RYR2: variants seen among roughly 807,000 people sequenced by gnomAD.
The protein encoded by RYR2 is cardiac muscle ryanodine receptor-calcium release channel.
RYR2 carries 227 observed loss-of-function variants against 601.1 expected under a neutral mutation model. The ratio of observed to expected loss-of-function variants is 0.38; its 90% CI spans 0.34 to 0.42. RYR2 has a LOEUF of 0.42. Among genes scored for constraint, RYR2 ranks in the 10% least tolerant of loss-of-function variants. RYR2 has a pLI of 1.00. For synonymous variants in RYR2, 2,223 were observed against 2,175.1 expected, an observed-to-expected ratio of 1.02 and a Z score of -0.61; for missense variants, 4,646 against 6,156.5, an observed-to-expected ratio of 0.75 and a Z score of 8.21.
chr1:237,459,682 T>A (rs2150245360), intron 16 of RYR2, among the ~76,000 whole-genome samples: 1 of 152,342 alleles, frequency 6.6e-6, no homozygotes, highest in Non-Finnish European at 1.5e-5. Flanking sequence ...GAGCTACTTA[T>A]TTCTCAAGCC....
intron 1 of RYR2, among the ~76,000 whole-genome samples, chr1:237,267,233 A>G (rs775380180): frequency 4.6e-5 from 7 of 152,184 alleles, no homozygotes; most frequent in Non-Finnish European, 1.0e-4. Context: ...AGATACTCAT[A>G]TCTGGCTGGG....
chr1:237,187,388 G>T (rs1030208742), intron 1 of RYR2, among the ~76,000 whole-genome samples: 7 of 148,778 alleles, frequency 4.7e-5, no homozygotes, highest in African/African-American at 1.7e-4. Flanking sequence ...TGATCTGCCT[G>T]CCTCGGCCTC....
chr1:237,195,477 T>C (rs1680455379), intron 1 of RYR2, among the ~76,000 whole-genome samples: 1 of 152,190 alleles, frequency 6.6e-6, no homozygotes, highest in Non-Finnish European at 1.5e-5. Context: ...GGTCTCAAAC[T>C]CCTGACCTCA....
At chr1:237,720,762 C>A (rs751154360) in intron 73 of RYR2, among the ~76,000 whole-genome samples, 3 of 152,132 alleles carry the variant, frequency 2.0e-5, no homozygotes, top group Non-Finnish European at 2.9e-5. Context: ...GTGCTCAGTA[C>A]CTCTTAAGAG....
At chr1:237,311,399 A>G (rs1358710028) in intron 2 of RYR2, among the ~76,000 whole-genome samples, 3 of 152,254 alleles carry the variant, frequency 2.0e-5, no homozygotes, top group South Asian at 4.1e-4. Context: ...GTGTGAAGTC[A>G]TTACAGTGAG....
At chr1:237,828,906 G>A (rs912018714) in intron 102 of RYR2, among the ~76,000 whole-genome samples, 9 of 152,100 alleles carry the variant, frequency 5.9e-5, no homozygotes, top group Non-Finnish European at 1.2e-4. Context: ...TAAGGAGAGA[G>A]GAGGACAGTT....
chr1:237,219,937 C>A (rs1202093279), intron 1 of RYR2, among the ~76,000 whole-genome samples: 1 of 152,202 alleles, frequency 6.6e-6, no homozygotes, highest in Non-Finnish European at 1.5e-5. Flanking sequence ...GTGGCAGGCG[C>A]TGTGCCAGGA....
chr1:237,391,299 T>C (rs375174161), intron 10 of RYR2, among the ~76,000 whole-genome samples: 1 of 152,122 alleles, frequency 6.6e-6, no homozygotes, highest in Non-Finnish European at 1.5e-5. Flanking sequence ...AAAAATATAC[T>C]TTTTTCATTC....
At chr1:237,293,810 C>T (rs538029989) in intron 2 of RYR2, among the ~76,000 whole-genome samples, 83 of 152,276 alleles carry the variant, frequency 5.5e-4, no homozygotes, top group African/African-American at 2.0e-3. Flanking sequence ...AGTTTTAATT[C>T]TGACTCTTAT....
intron 58 of RYR2, among the ~76,000 whole-genome samples, chr1:237,670,311 G>T (rs1375050895): frequency 7.5e-6 from 1 of 133,522 alleles, no homozygotes; most frequent in Non-Finnish European, 1.6e-5. Context: ...AGGGAGACTG[G>T]AGAGGGAGAG....
chr1:237,542,712 C>A (rs1669434020), intron 25 of RYR2, among the ~76,000 whole-genome samples: 2 of 152,096 alleles, frequency 1.3e-5, no homozygotes, highest in Non-Finnish European at 2.9e-5. Context: ...TCTCTCTGGC[C>A]GCTTGGAGAT....
intron 97 of RYR2, among the ~76,000 whole-genome samples, chr1:237,799,868 C>A (rs1198906246): frequency 6.6e-6 from 1 of 152,132 alleles, no homozygotes; most frequent in Non-Finnish European, 1.5e-5. Context: ...TCTTCATTTG[C>A]GTCCTCACTG....
intron 10 of RYR2, among the ~76,000 whole-genome samples, chr1:237,388,889 G>C (rs1333734600): frequency 6.6e-6 from 1 of 152,004 alleles, no homozygotes; most frequent in Non-Finnish European, 1.5e-5. Context: ...ATCTTTTAGT[G>C]GACATTTTTC....
At chr1:237,371,715 C>T (rs1700656821) in intron 6 of RYR2, among the ~76,000 whole-genome samples, 1 of 152,026 alleles carries the variant, frequency 6.6e-6, no homozygotes, top group South Asian at 2.1e-4. Context: ...TACTATGCAG[C>T]CATGAAAAAG....
Position 237,395,564 on chromosome 1 carries a change from T to TTTTTTTTTTTG in RYR2, c.773+7381_773+7382insTTTTTTTTTTG, listed in dbSNP as rs1400077755. On this transcript the variant is annotated intron_variant, in intron 10 of 104. Transcript: ENST00000366574. ...TTTTTTTTTTTTTTTTTTTTTTTTTTGAGACAGAGTCTCGCTTTGTTCCCC... is the reference window on the plus strand; with the variant it reads ...TTTTTTTTTTTTTTTTTTTTTTTTTTTTTTTTTTTTGGAGACAGAGTCTCGCTTTGTTCCCC... Among the ~76,000 whole-genome samples, 37 of 77,624 alleles carry TTTTTTTTTTTG rather than the reference T, an allele frequency of 4.8e-4. 1 individual carries two copies. The highest frequency in any genetic ancestry group is 1.9e-3 in the African/African-American group (32 of 17,046). 50.9% of individuals were successfully genotyped at this position (77,624 alleles called of 152,430 possible).
chr1:237,299,007 A>T (rs149378489), intron 2 of RYR2, among the ~76,000 whole-genome samples: 1,859 of 152,098 alleles, frequency 0.012, 17 homozygotes, highest in Non-Finnish European at 0.017. Context: ...AAAAATAAAC[A>T]TTTATTATTA....
At chr1:237,727,817 T>C (rs1573698309) in intron 76 of RYR2, among the ~76,000 whole-genome samples, 1 of 152,150 alleles carries the variant, frequency 6.6e-6, no homozygotes, top group South Asian at 2.1e-4. Context: ...AGAGCAGACA[T>C]ACTTAATAGA....
At chr1:237,390,100 T>C (rs1026031258) in intron 10 of RYR2, among the ~76,000 whole-genome samples, 4 of 148,866 alleles carry the variant, frequency 2.7e-5, no homozygotes, top group African/African-American at 1.0e-4. Flanking sequence ...AAGTTAGTCA[T>C]TGAAGTCAAA....
chr1:237,472,739 G>A (rs1442885321), intron 17 of RYR2, among the ~76,000 whole-genome samples: 1 of 151,292 alleles, frequency 6.6e-6, no homozygotes, highest in African/African-American at 2.4e-5. Context: ...GAGGAAAGAA[G>A]GGGCAAAAAC....
Sources: gnomAD v4.1 joint callset for allele counts (sites outside exome capture counted in the v4.1 genomes callset) on GRCh38, gnomAD v4.1.1 for gene constraint, MANE v1.5 for transcripts, NCBI Gene and HGNC (gene_info 2026-07-23, HGNC 2026-07-21) for gene names.